Variants in UNC80 observed in about 807,000 individuals in gnomAD.
UNC80 encodes the protein protein unc-80 homolog.
UNC80 carries 164 observed loss-of-function variants against 384.6 expected under a neutral mutation model. The ratio of observed to expected loss-of-function variants is 0.43; its 90% confidence interval spans 0.38 to 0.49. The LOEUF (loss-of-function observed/expected upper bound fraction) is 0.49, where lower values mean the gene tolerates loss of function less well. Ranked by LOEUF, UNC80 falls within the 20% of genes least tolerant of loss-of-function variation. The pLI, the probability that UNC80 is intolerant of heterozygous loss-of-function variation, is 0.00. For missense variants in UNC80, 3,330 were observed against 4,143.0 expected (o/e 0.80, Z 5.39); for synonymous variants, 1,486 against 1,527.8 (o/e 0.97, Z 0.64).
chr2:209,959,426 C>G, intron 50 of UNC80, 63 bp from the exon 51 acceptor site: 1 of 1,465,062 alleles, frequency 6.8e-7, no homozygotes, highest in East Asian at 2.5e-5. Flanking sequence ...GTGATACCCT[C>G]TTCTCACAGC....
chr2:209,993,464 C>T, intron 63 of UNC80, 38 bp downstream of exon 63: 5 of 1,513,074 alleles, frequency 3.3e-6, no homozygotes, highest in Non-Finnish European at 3.6e-6. Flanking sequence ...ATACCATTGA[C>T]ATGATGCCAT....
At position 209,773,157 on chromosome 2, in the gene UNC80, C is replaced by G; in HGVS notation, c.141+15C>G. 5 of 1,610,808 alleles carry G rather than the reference C, an allele frequency of 3.1e-6. No individual in the cohort carries two copies. The highest frequency in any genetic ancestry group is 4.2e-6 in the Non-Finnish European group (5 of 1,177,572). ...CTTCTTGTGTGGTATGTGATTTTCA[C>G]CATTTAATAATTATTTCCCTATTCT... On this transcript the variant is annotated intron_variant, in intron 2 of 64. Transcript: ENST00000673920.
intron 24 of UNC80, 93 bp from the exon 25 acceptor site, chr2:209,880,868 A>G: frequency 8.1e-7 from 1 of 1,233,538 alleles, no homozygotes; most frequent in South Asian, 1.5e-5. Context: ...ATGCAATTTG[A>G]TTCTATACAT....
intron 7 of UNC80, among the ~76,000 whole-genome samples, chr2:209,803,548 T>G (rs1170593061): frequency 6.6e-6 from 1 of 152,206 alleles, no homozygotes; most frequent in Non-Finnish European, 1.5e-5. Context: ...ATTCATATAT[T>G]CATTTATTTC....
chr2:209,892,994 A>G (rs537795968), intron 26 of UNC80, among the ~76,000 whole-genome samples: 15 of 152,334 alleles, frequency 9.8e-5, no homozygotes, highest in African/African-American at 3.6e-4. Context: ...CTCCATCACA[A>G]CAGTAAATCA....
At chr2:209,894,637 A>G (rs2086642123) in intron 27 of UNC80, among the ~76,000 whole-genome samples, 1 of 152,166 alleles carries the variant, frequency 6.6e-6, no homozygotes, top group African/African-American at 2.4e-5. Flanking sequence ...TACATGTTTA[A>G]CAAGCTTTCT....
chr2:209,799,478 T>C (rs1208086307), intron 7 of UNC80, among the ~76,000 whole-genome samples: 2 of 152,150 alleles, frequency 1.3e-5, no homozygotes, highest in East Asian at 1.9e-4. Context: ...TGGGCTGAGA[T>C]GATGGGGTTT....
intron 13 of UNC80, among the ~76,000 whole-genome samples, chr2:209,824,081 T>C (rs2080330539): frequency 6.6e-6 from 1 of 152,112 alleles, no homozygotes; most frequent in South Asian, 2.1e-4. Context: ...ATGAATTTTG[T>C]GTTTAGACTT....
chr2:209,904,166 A>G (rs749144687), intron 28 of UNC80, among the ~76,000 whole-genome samples: 1 of 152,194 alleles, frequency 6.6e-6, no homozygotes, highest in Non-Finnish European at 1.5e-5. Context: ...TTTGATTTTG[A>G]TTTAGCTACA....
intron 7 of UNC80, among the ~76,000 whole-genome samples, chr2:209,794,610 T>G (rs1019505535): frequency 6.6e-6 from 1 of 152,230 alleles, no homozygotes. Context: ...AATCTCAACT[T>G]GAATTGTATC....
At chr2:209,797,821 A>G (rs1013808301) in intron 7 of UNC80, among the ~76,000 whole-genome samples, 1 of 152,084 alleles carries the variant, frequency 6.6e-6, no homozygotes, top group African/African-American at 2.4e-5. Flanking sequence ...ACCAGCATCT[A>G]TTGTTTACTG....
At chr2:209,984,962 C>A in intron 61 of UNC80, 50 bp downstream of exon 61, 1 of 1,459,684 alleles carries the variant, frequency 6.9e-7, no homozygotes, top group Non-Finnish European at 9.3e-7. Context: ...GGGAAACTAG[C>A]TGTTCCCTGT....
intron 19 of UNC80, 134 bp from the exon 20 acceptor site, chr2:209,840,408 T>C: frequency 1.4e-6 from 1 of 731,198 alleles, no homozygotes; most frequent in South Asian, 1.9e-5. Flanking sequence ...AGCATGTACA[T>C]TGAAAACAAT....
At chr2:209,994,935 G>T (rs1317702008) in intron 64 of UNC80, among the ~76,000 whole-genome samples, 1 of 151,728 alleles carries the variant, frequency 6.6e-6, no homozygotes, top group South Asian at 2.1e-4. Flanking sequence ...TCTTGTTTTG[G>T]TATATTTTTT....
At chr2:209,946,452 A>G (rs561424820) in intron 47 of UNC80, among the ~76,000 whole-genome samples, 5 of 152,304 alleles carry the variant, frequency 3.3e-5, no homozygotes, top group Admixed American at 2.6e-4. Flanking sequence ...CTGGAAAACA[A>G]TAGTAAATCT....
chr2:209,932,350 G>A (rs900849656), intron 38 of UNC80, among the ~76,000 whole-genome samples: 3 of 152,148 alleles, frequency 2.0e-5, no homozygotes, highest in Non-Finnish European at 4.4e-5. Context: ...TACACCACAC[G>A]AAAACCAAAG....
intron 25 of UNC80, among the ~76,000 whole-genome samples, chr2:209,885,739 A>G (rs1461499980): frequency 8.6e-5 from 13 of 151,306 alleles, no homozygotes; most frequent in Non-Finnish European, 1.9e-4. Flanking sequence ...CAAAATGTAG[A>G]GTCTAAAATG....
At chr2:209,806,054 A>G (rs993992012) in intron 7 of UNC80, among the ~76,000 whole-genome samples, 1 of 152,250 alleles carries the variant, frequency 6.6e-6, no homozygotes, top group South Asian at 2.1e-4. Flanking sequence ...CAAAAAGTTT[A>G]ACTTAATTTC....
At chr2:209,977,123 C>A in intron 58 of UNC80, 45 bp downstream of exon 58, 1 of 1,440,830 alleles carries the variant, frequency 6.9e-7, no homozygotes, top group Non-Finnish European at 9.3e-7. Flanking sequence ...ACTAATGGAA[C>A]TCACAGCCTA....
Sources: allele counts gnomAD v4.1 joint callset (sites outside exome capture counted in the v4.1 genomes callset), GRCh38; gene constraint gnomAD v4.1.1; transcripts MANE v1.5; gene names NCBI Gene and HGNC (gene_info 2026-07-23, HGNC 2026-07-21).